RECK: variants seen among roughly 807,000 people sequenced by gnomAD.
RECK encodes reversion-inducing cysteine-rich protein with Kazal motifs.
Under a neutral mutation model 115.1 loss-of-function variants are expected in RECK, and 69 were observed. The observed-to-expected ratio is 0.60, with a 90% confidence interval of 0.49 to 0.73. The LOEUF is 0.73. Among genes scored for constraint, RECK ranks in the 30% least tolerant of loss-of-function variants. The pLI, the probability that RECK is intolerant of heterozygous loss-of-function variation, is 0.00. For missense variants in RECK, 1,047 were observed against 1,203.7 expected (o/e 0.87, Z 1.93); for synonymous variants, 414 against 419.7 (o/e 0.99, Z 0.17).
chr9:36,103,892 T>C (rs912242042), intron 12 of RECK, among the ~76,000 whole-genome samples: 1 of 152,118 alleles, frequency 6.6e-6, no homozygotes, highest in African/African-American at 2.4e-5. Context: ...AGAGTATGAG[T>C]CTGGCCTAAA....
chr9:36,083,961 A>G (rs940842930), intron 8 of RECK, among the ~76,000 whole-genome samples: 5 of 152,238 alleles, frequency 3.3e-5, no homozygotes, highest in South Asian at 2.1e-4. Flanking sequence ...AATGTTCACT[A>G]CAATGCTGGT....
chr9:36,083,823 A>T (rs75504031), intron 8 of RECK, among the ~76,000 whole-genome samples: 1,820 of 152,230 alleles, frequency 0.012, 29 homozygotes, highest in African/African-American at 0.041. Context: ...TTTTAGAGGG[A>T]AGTTGGGTAA....
chr9:36,065,085 T>A lies in RECK; in HGVS notation c.358-492T>A, dbSNP rs185913760. Among the ~76,000 whole-genome samples, 3 of 152,172 alleles carry A rather than the reference T, an allele frequency of 2.0e-5. No individual in the cohort carries two copies. In the East Asian group the frequency reaches 5.8e-4, roughly 29 times the overall value. On this transcript the variant is annotated intron_variant, in intron 5 of 20. Coordinates refer to ENST00000377966, the MANE Select transcript of RECK (RefSeq NM_021111.3). The stretch of plus-strand genomic sequence containing the variant: ...CTTGTTAAATGCCTGGCATAGTACC[T>A]CTTCCCTATTTAGTTGCCCCCTCCG...
At position 36,087,859 on chromosome 9, in the gene RECK, C is replaced by A; in HGVS notation, c.803C>A (p.Ser268Ter). ...CTTTGGCAATGTTTTCTTGAAAGCTCACAATCTGTTCACCCTGGAGTCACT... is the reference window on the plus strand; with the variant it reads ...CTTTGGCAATGTTTTCTTGAAAGCTAACAATCTGTTCACCCTGGAGTCACT... ...DPLWQCFLES[S>*]QSVHPGVTVH... Residue 268 changes from serine (S) to a stop codon, truncating the protein, a stop_gained, in exon 9 of 21, where the codon TCA becomes TAA. Coordinates refer to ENST00000377966, the MANE Select transcript of RECK (RefSeq NM_021111.3). LOFTEE classifies it high-confidence loss of function. The A allele has an allele frequency of 6.2e-7, 1 of 1,613,984 alleles. No homozygotes were observed. Among genetic ancestry groups the A allele is most frequent in the Non-Finnish European group, 8.5e-7 (1 of 1,179,910 alleles).
chr9:36,104,159 C>T (rs1823668101), intron 12 of RECK, among the ~76,000 whole-genome samples: 2 of 150,682 alleles, frequency 1.3e-5, no homozygotes, highest in Non-Finnish European at 1.5e-5. Context: ...TCTTAGACAT[C>T]TTATTTGACC....
At chr9:36,116,226 T>C (rs766658005) in intron 16 of RECK, among the ~76,000 whole-genome samples, 1 of 151,142 alleles carries the variant, frequency 6.6e-6, no homozygotes, top group Non-Finnish European at 1.5e-5. Flanking sequence ...CCTCCTGGGT[T>C]CAAGCGATTA....
intron 1 of RECK, among the ~76,000 whole-genome samples, chr9:36,049,974 G>A (rs140448219): frequency 1.5e-3 from 235 of 152,176 alleles, no homozygotes; most frequent in South Asian, 3.5e-3. Flanking sequence ...CATTTTATTT[G>A]GCTTTTTGGA....
At position 36,083,434 on chromosome 9, in the gene RECK, G is replaced by A. The variant is rs375748786; in HGVS notation, c.509G>A (p.Arg170Gln). 1.8e-5 allele frequency: 29 copies of A among 1,613,794 alleles called. No homozygotes were observed. The highest frequency in any genetic ancestry group is 8.9e-5 in the East Asian group (4 of 44,880). The change falls in exon 8 of 21, where the codon CGA becomes CAA. Residue 170 changes from arginine (R) to glutamine (Q), a missense_variant. Physicochemically the swap from Arg to Gln is conservative, Grantham distance 43. Transcript: ENST00000377966. Reference sequence around the variant, plus strand: ...CGAGAATACTGTCAAGCCATTTTTCGAACAGACTCTTCTCCTGGTCCATCT... The same window carrying A: ...CGAGAATACTGTCAAGCCATTTTTCAAACAGACTCTTCTCCTGGTCCATCT... The part of the protein sequence containing the change: ...NCREYCQAIF[R>Q]TDSSPGPSQI...
At position 36,107,948 on chromosome 9, in the gene RECK, C is replaced by G. The variant is rs752541544; in HGVS notation, c.1577-28C>G. On this transcript the variant is annotated intron_variant, in intron 13 of 20. Coordinates refer to ENST00000377966, the MANE Select transcript of RECK (RefSeq NM_021111.3). ...AAACAATGTCATAGAACAGTACCAT[C>G]TCTCTCAGCTAATTTTTGCTTGTAC... 2.6e-6 allele frequency: 4 copies of G among 1,563,304 alleles called. No individual in the cohort carries two copies. In the Admixed American group the frequency reaches 7.0e-5, roughly 27 times the overall value.
Position 36,123,258 on chromosome 9 carries a change from G to T in RECK, c.*213G>T. 1 of 510,626 alleles carries T rather than the reference G, an allele frequency of 2.0e-6. No homozygotes were observed. The highest frequency in any genetic ancestry group is 3.4e-6 in the Non-Finnish European group (1 of 290,318). 31.6% of individuals were successfully genotyped at this position (510,626 alleles called of 1,614,324 possible). A position where few individuals can be genotyped will look rare whatever the true frequency, so the allele number is the denominator to read the frequency against. On this transcript the variant is annotated 3_prime_UTR_variant, in exon 21 of 21. Coordinates refer to ENST00000377966, the MANE Select transcript of RECK (RefSeq NM_021111.3). ...AAAATGTGTTGTTCCAAATACTAAT[G>T]AAAACAGAATGTCTCTTCCTGGTAG...
intron 6 of RECK, among the ~76,000 whole-genome samples, chr9:36,067,165 G>C (rs1822036574): frequency 6.6e-6 from 1 of 152,138 alleles, no homozygotes; most frequent in Non-Finnish European, 1.5e-5. Flanking sequence ...TTGAAGTCTA[G>C]TCTAGACATA....
At chr9:36,077,141 G>A (rs548837650) in intron 6 of RECK, among the ~76,000 whole-genome samples, 1 of 152,264 alleles carries the variant, frequency 6.6e-6, no homozygotes, top group African/African-American at 2.4e-5. Context: ...CATGAGTAGG[G>A]GAGGGAGAGG....
intron 10 of RECK, among the ~76,000 whole-genome samples, chr9:36,091,763 A>G (rs1165532597): frequency 6.6e-6 from 1 of 152,240 alleles, no homozygotes; most frequent in Non-Finnish European, 1.5e-5. Context: ...TTTCTTTACA[A>G]AAGCAATTCA....
intron 6 of RECK, among the ~76,000 whole-genome samples, chr9:36,076,602 A>G (rs937046343): frequency 6.6e-6 from 1 of 152,194 alleles, no homozygotes; most frequent in African/African-American, 2.4e-5. Flanking sequence ...TGGAGCTGAC[A>G]TCTACCAGCT....
At chr9:36,106,752 A>G (rs910659032) in intron 13 of RECK, among the ~76,000 whole-genome samples, 22 of 152,230 alleles carry the variant, frequency 1.4e-4, no homozygotes, top group African/African-American at 5.1e-4. Flanking sequence ...TTTGGCAAGA[A>G]AATAAGATAT....
intron 6 of RECK, among the ~76,000 whole-genome samples, chr9:36,065,870 A>T (rs767044844): frequency 1.3e-5 from 2 of 152,188 alleles, no homozygotes; most frequent in Non-Finnish European, 2.9e-5. Flanking sequence ...TTTAACCTAT[A>T]ATATTTTTAT....
chr9:36,068,006 C>G (rs947328857), intron 6 of RECK, among the ~76,000 whole-genome samples: 1 of 152,076 alleles, frequency 6.6e-6, no homozygotes, highest in African/African-American at 2.4e-5. Context: ...GGCTGCAAGT[C>G]TATGCTCAGA....
At chr9:36,087,626 A>G in intron 8 of RECK, 68 bp from the exon 9 acceptor site, 1 of 1,512,776 alleles carries the variant, frequency 6.6e-7, no homozygotes, top group Non-Finnish European at 9.0e-7. Flanking sequence ...TGTATCCCAG[A>G]ACTTAAAGTA....
chr9:36,116,531 GC>G (rs1313341356), intron 16 of RECK, among the ~76,000 whole-genome samples: 28 of 152,342 alleles, frequency 1.8e-4, no homozygotes, highest in Admixed American at 1.8e-3. Flanking sequence ...TCAGGCTCCA[GC>G]CTATCTCTTG....
Sources: allele counts gnomAD v4.1 joint callset (sites outside exome capture counted in the v4.1 genomes callset), GRCh38; gene constraint gnomAD v4.1.1; transcripts MANE v1.5; gene names NCBI Gene and HGNC (gene_info 2026-07-23, HGNC 2026-07-21).